MOG: variants seen among roughly 807,000 people sequenced by gnomAD.
MOG encodes the protein myelin-oligodendrocyte glycoprotein.
In MOG, 20 loss-of-function variants were observed where a neutral mutation model predicts 35.9. The ratio of observed to expected loss-of-function variants is 0.56; its 90% confidence interval spans 0.39 to 0.81. The LOEUF is 0.81. Among genes scored for constraint, MOG ranks in the 30% least tolerant of loss-of-function variants. The pLI, the probability that MOG is intolerant of heterozygous loss-of-function variation, is 0.00. For missense variants in MOG, 251 were observed against 301.0 expected, an observed-to-expected ratio of 0.83 and a Z score of 1.23; for synonymous variants, 92 against 114.3, an observed-to-expected ratio of 0.80 and a Z score of 1.25.
At position 29,666,251 on chromosome 6, in the gene MOG, A is replaced by C. The variant is rs544692977; in HGVS notation, c.536A>C (p.Gln179Pro). The C allele has an allele frequency of 6.2e-7, 1 of 1,605,122 alleles. No homozygotes were observed. Among genetic ancestry groups the C allele is most frequent in the East Asian group, 2.2e-5 (1 of 44,844 alleles). ...GTTGGCCTCATCTTCCTCTGCCTGC[A>C]GTACAGACTGAGAGGTACAGGGCAG... ...ITVGLIFLCL[Q>P]YRLRGKLRAE... Residue 179 changes from glutamine to proline, a missense_variant, in exon 3 of 8, where the codon CAG becomes CCG. By Grantham distance (76) the Gln-to-Pro change is moderately conservative (BLOSUM62 -1). Coordinates refer to ENST00000376917, the MANE Select transcript of MOG (RefSeq NM_206809.4).
intron 3 of MOG, among the ~76,000 whole-genome samples, chr6:29,667,404 G>T (rs9500949): frequency 0.019 from 2,845 of 152,290 alleles, 44 homozygotes; most frequent in Admixed American, 0.034. Context: ...GGATGTATTG[G>T]ATGCTTGTGC....
intron 2 of MOG, chr6:29,661,822 A>C: frequency 1.1e-6 from 1 of 933,186 alleles, no homozygotes; most frequent in East Asian, 1.2e-4. Context: ...ATCTCAAAAA[A>C]AAAAAAAAAA....
chr6:29,657,767 C>T (rs1194506178), intron 1 of MOG, among the ~76,000 whole-genome samples: 5 of 151,284 alleles, frequency 3.3e-5, no homozygotes, highest in African/African-American at 9.7e-5. Context: ...CCTCAGCTTC[C>T]CAAAGTACTG....
chr6:29,659,600 G>A lies in MOG; in HGVS notation c.370G>A (p.Gly124Ser). 1 of 1,613,108 alleles carries A rather than the reference G, an allele frequency of 6.2e-7. No individual in the cohort carries two copies. Among genetic ancestry groups the A allele is most frequent in the Middle Eastern group, 1.6e-4 (1 of 6,062 alleles). ...IRNVRFSDEG[G>S]FTCFFRDHSY... ...GAATGTAAGGTTCTCAGATGAAGGA[G>A]GTTTCACCTGCTTCTTCCGAGATCA... The change falls in exon 2 of 8, where the codon GGT (glycine) becomes AGT (serine). Residue 124 changes from glycine (G) to serine (S), a missense_variant. Gly to Ser is a moderately conservative substitution (Grantham distance 56). Transcript: ENST00000376917.
chr6:29,669,075 C>T (rs1271871369), intron 5 of MOG, among the ~76,000 whole-genome samples: 2 of 151,936 alleles, frequency 1.3e-5, no homozygotes, highest in Non-Finnish European at 2.9e-5. Context: ...TGCCCGCCAC[C>T]ACACCCAGCT....
rs993986620 is a variant in MOG at position 29,670,747 on chromosome 6, G to A, written c.730+26G>A. 3 of 1,611,408 alleles carry A rather than the reference G, an allele frequency of 1.9e-6. No individual in the cohort carries two copies. Among genetic ancestry groups the A allele is most frequent in the Non-Finnish European group, 2.5e-6 (3 of 1,179,164 alleles). On this transcript the variant is annotated intron_variant, in intron 7 of 7. Transcript: ENST00000376917. This position sits in a 1 kb window ranked among gnomAD's most constrained non-coding sequence, Gnocchi z 4.2. ...GTAAGTTCTCTTCTCTCTGTTATAAGCAGAGAATAAAAAGCCAGGAAAGGG... is the reference window on the plus strand; with the variant it reads ...GTAAGTTCTCTTCTCTCTGTTATAAACAGAGAATAAAAAGCCAGGAAAGGG...
At chr6:29,667,817 T>C in intron 4 of MOG, 87 bp from the exon 5 acceptor site, 1 of 1,570,378 alleles carries the variant, frequency 6.4e-7, no homozygotes. Flanking sequence ...CTAGAACAAG[T>C]TTTAAGTAAT....
rs1361523684 is a variant in MOG, at chr6:29,662,268, G to A, written c.436+2602G>A. On this transcript the variant is annotated intron_variant, in intron 2 of 7. Transcript: ENST00000376917. The surrounding 1 kb of genome is among the most constrained non-coding windows in gnomAD (Gnocchi z 4.2). ...GGAGGCCGAAGCGGGCAGATCACCC[G>A]AGGTCAGGAGTTCGAGACCAGCCTG... The A allele has an allele frequency of 2.8e-6, 2 of 717,022 alleles. No homozygotes were observed. The highest frequency in any genetic ancestry group is 1.9e-5 in the African/African-American group (1 of 51,538). The allele number at this position is 717,022 out of a possible 1,614,324, so 44.4% of individuals were successfully genotyped here. A position where few individuals can be genotyped will look rare whatever the true frequency, so the allele number is the denominator to read the frequency against.
rs770944022 is a variant in MOG, at chr6:29,666,225, T to C, written c.510T>C (p.Thr170=). ...TGCCTGTGCTCCTCCTGCAGATCAC[T>C]GTTGGCCTCATCTTCCTCTGCCTGC... ...AVLPVLLLQI[T]VGLIFLCLQY... is the part of the protein sequence containing the mutation. Residue 170 remains threonine (T), a synonymous_variant, in exon 3 of 8, where the codon ACT becomes ACC. Transcript: ENST00000376917. 1.9e-6 allele frequency: 3 copies of C among 1,612,736 alleles called. No individual in the cohort carries two copies. Among genetic ancestry groups the C allele is most frequent in the Non-Finnish European group, 2.5e-6 (3 of 1,179,748 alleles).
chr6:29,665,826 A>G (rs2127522894), intron 2 of MOG, among the ~76,000 whole-genome samples: 1 of 152,248 alleles, frequency 6.6e-6, no homozygotes, highest in South Asian at 2.1e-4. Context: ...AATAATATGA[A>G]GAGAACCTTT....
At position 29,670,336 on chromosome 6, in the gene MOG, G is replaced by A. The variant is rs749764201; in HGVS notation, c.648G>A (p.Pro216=). 15 of 1,614,120 alleles carry A rather than the reference G, an allele frequency of 9.3e-6. No individual in the cohort carries two copies. Among genetic ancestry groups the A allele is most frequent in the South Asian group, 3.3e-5 (3 of 91,070 alleles). The part of the protein sequence containing the change: ...CWKITLFVIV[P]VLGPLVALII... ...AGATAACCCTGTTTGTAATTGTGCC[G>A]GTTCTTGGACCCTTGGTTGCCTTGA... The change falls in exon 6 of 8, where the codon CCG becomes CCA. Residue 216 remains proline (P), a synonymous_variant. Coordinates refer to ENST00000376917, the MANE Select transcript of MOG (RefSeq NM_206809.4). The surrounding 1 kb of genome is among the most constrained non-coding windows in gnomAD (Gnocchi z 4.2).
At chr6:29,657,363 T>G in intron 1 of MOG, 66 bp downstream of exon 1, 1 of 1,207,306 alleles carries the variant, frequency 8.3e-7, no homozygotes, top group East Asian at 2.5e-5. Flanking sequence ...TTCCTGGGGC[T>G]TAGCTCCTTC....
intron 2 of MOG, among the ~76,000 whole-genome samples, chr6:29,663,409 G>A (rs1222154332): frequency 6.6e-6 from 1 of 151,848 alleles, no homozygotes; most frequent in Non-Finnish European, 1.5e-5. Context: ...AAATTTTCCT[G>A]ATTGTTTCAT....
Position 29,666,183 on chromosome 6 carries a change from G to T in MOG, c.468G>T (p.Leu156=), listed in dbSNP as rs780931502. The part of the protein sequence containing the change: ...DPFYWVSPGV[L]VLLAVLPVLL... ...TCTACTGGGTGAGCCCTGGAGTGCT[G>T]GTTCTCCTCGCGGTGCTGCCTGTGC... Residue 156 remains leucine, a synonymous_variant, in exon 3 of 8, where the codon CTG becomes CTT. Coordinates refer to ENST00000376917, the MANE Select transcript of MOG (RefSeq NM_206809.4). The T allele has an allele frequency of 3.7e-6, 6 of 1,612,772 alleles. No homozygotes were observed. Among genetic ancestry groups the T allele is most frequent in the Non-Finnish European group, 5.1e-6 (6 of 1,179,906 alleles).
intron 5 of MOG, among the ~76,000 whole-genome samples, chr6:29,669,552 A>C (rs959474755): frequency 1.3e-5 from 2 of 152,094 alleles, no homozygotes; most frequent in African/African-American, 2.4e-5. Context: ...TGGCCTTCCA[A>C]AGTGCTGGGA....
chr6:29,667,580 G>T, intron 3 of MOG, 63 bp from the exon 4 acceptor site: 1 of 1,587,944 alleles, frequency 6.3e-7, no homozygotes, highest in Non-Finnish European at 8.6e-7. Context: ...CGCTGGGTGT[G>T]GGAGGGTCCC....
In MOG at chr6:29,671,716, C is replaced by A; in HGVS notation, c.*531C>A. ...AGTGAGGATATGAGTAGCCCCAACC[C>A]AAACCTGGAGATGGGGAGAAACCTA... On this transcript the variant is annotated 3_prime_UTR_variant, in exon 8 of 8. Transcript: ENST00000376917. 1 of 559,612 alleles carries A rather than the reference C, an allele frequency of 1.8e-6. No homozygotes were observed. The highest frequency in any genetic ancestry group is 3.2e-6 in the Non-Finnish European group (1 of 315,248). The allele number at this position is 559,612 out of a possible 1,614,324, so 34.7% of individuals were successfully genotyped here.
intron 2 of MOG, among the ~76,000 whole-genome samples, chr6:29,663,031 A>G (rs568643397): frequency 1.3e-5 from 2 of 152,172 alleles, no homozygotes; most frequent in Non-Finnish European, 2.9e-5. Context: ...GTACTTTGGG[A>G]GCCCAAGGAG....
intron 2 of MOG, 121 bp from the exon 3 acceptor site, chr6:29,666,031 C>T: frequency 1.3e-6 from 1 of 793,072 alleles, no homozygotes; most frequent in Non-Finnish European, 2.3e-6. Flanking sequence ...TCTGTGTCAC[C>T]TTCTTTGAAT....
Sources: allele counts gnomAD v4.1 joint callset (sites outside exome capture counted in the v4.1 genomes callset), GRCh38; gene constraint gnomAD v4.1.1; non-coding constraint Gnocchi (gnomAD v3.1); transcripts MANE v1.5; gene names NCBI Gene and HGNC (gene_info 2026-07-23, HGNC 2026-07-21).